GLIS3: variants seen among roughly 807,000 people sequenced by gnomAD.
The protein encoded by GLIS3 is GLIS family zinc finger 3, also known as zinc finger protein GLIS3.
GLIS3 carries 53 observed loss-of-function variants against 78.6 expected under a neutral mutation model. That is an observed-to-expected ratio of 0.67 (90% CI 0.54 to 0.85). The LOEUF is 0.85. GLIS3 is among the 40% of genes least tolerant of loss of function. The pLI is 0.00. For synonymous variants in GLIS3, 684 were observed against 509.9 expected (o/e 1.34, Z -4.60); for missense variants, 1,703 against 1,231.1 (o/e 1.38, Z -5.74).
intron 2 of GLIS3, among the ~76,000 whole-genome samples, chr9:4,277,942 C>A (rs577144693): frequency 6.6e-6 from 1 of 152,204 alleles, no homozygotes; most frequent in Non-Finnish European, 1.5e-5. Context: ...AAGTTGCCAA[C>A]TGCACCCTGT....
chr9:4,366,099 C>G, the GLIS3 span, among the ~76,000 whole-genome samples: 1 of 152,120 alleles, frequency 6.6e-6, no homozygotes, highest in African/African-American at 2.4e-5. Flanking sequence ...ACCCAGAAGA[C>G]AGGGAGAAAT....
At chr9:4,303,802 A>G (rs1817155369), upstream of GLIS3, among the ~76,000 whole-genome samples, 1 of 152,224 alleles carries the variant, frequency 6.6e-6, no homozygotes, top group Non-Finnish European at 1.5e-5. Context: ...TCCTTGACAT[A>G]TTACTTAGGT....
intron 2 of GLIS3, 157 bp downstream of exon 2, chr9:4,285,881 A>C: frequency 1.1e-6 from 1 of 876,320 alleles, no homozygotes; most frequent in South Asian, 1.4e-5. Context: ...ATACACACCC[A>C]TTCCCTTACT....
intron 2 of GLIS3, among the ~76,000 whole-genome samples, chr9:4,135,360 G>A (rs686855): frequency 6.6e-6 from 1 of 152,016 alleles, no homozygotes; most frequent in Non-Finnish European, 1.5e-5. Context: ...ACTCTAACAG[G>A]TGAATGTGTA....
At chr9:3,894,391 T>C (rs975010889) in intron 7 of GLIS3, among the ~76,000 whole-genome samples, 4 of 152,208 alleles carry the variant, frequency 2.6e-5, no homozygotes, top group African/African-American at 9.7e-5. Flanking sequence ...GAAGCACTTT[T>C]ACAGAAAATT....
At chr9:4,098,012 A>C (rs1830094159) in intron 4 of GLIS3, among the ~76,000 whole-genome samples, 1 of 152,226 alleles carries the variant, frequency 6.6e-6, no homozygotes, top group South Asian at 2.1e-4. Context: ...AATAGTTCAT[A>C]ACTTTTTAAA....
At chr9:4,445,583 A>G in the GLIS3 span, among the ~76,000 whole-genome samples, 1 of 152,218 alleles carries the variant, frequency 6.6e-6, no homozygotes, top group East Asian at 1.9e-4. Flanking sequence ...ACAGTGAGCT[A>G]TGATTGCACC....
chr9:4,121,888 T>C (rs749948403), intron 3 of GLIS3, among the ~76,000 whole-genome samples: 1 of 152,220 alleles, frequency 6.6e-6, no homozygotes, highest in East Asian at 1.9e-4. Flanking sequence ...ATGTGAATGG[T>C]TCCAAAGGAT....
the GLIS3 span, among the ~76,000 whole-genome samples, chr9:4,363,016 G>A: frequency 7.2e-5 from 11 of 151,978 alleles, no homozygotes; most frequent in African/African-American, 2.7e-4. Flanking sequence ...GAGGAGAGAA[G>A]TGAACACTGG....
At chr9:4,370,020 C>T in the GLIS3 span, among the ~76,000 whole-genome samples, 2 of 151,872 alleles carry the variant, frequency 1.3e-5, no homozygotes, top group Admixed American at 6.6e-5. Context: ...GGTGAAACTC[C>T]GTCTGTACTA....
At position 4,139,659 on chromosome 9, in the gene GLIS3, G is replaced by C. The variant is rs550585147; in HGVS notation, c.389-13718C>G. ...TTCATGGTTCGTGGTTTCATGGAAA[G>C]CATGGAAGGGGTGGGCACGGTTGGG... On this transcript the variant is annotated intron_variant, in intron 2 of 10. Coordinates refer to ENST00000381971, the MANE Select transcript of GLIS3 (RefSeq NM_001042413.2). Among the ~76,000 whole-genome samples the C allele has an allele frequency of 4.0e-4, 61 of 152,248 alleles. 2 individuals are homozygous for C. The highest frequency in any genetic ancestry group is 3.9e-4 in the Admixed American group (6 of 15,302).
At chr9:4,100,115 C>T (rs930199224) in intron 4 of GLIS3, among the ~76,000 whole-genome samples, 1 of 152,200 alleles carries the variant, frequency 6.6e-6, no homozygotes, top group African/African-American at 2.4e-5. Flanking sequence ...TCATGGTATT[C>T]TCAATCTGAC....
At chr9:3,908,706 G>GTTTTTTTTTTTTTTTTTTTTT (rs34789708) in intron 6 of GLIS3, among the ~76,000 whole-genome samples, 1 of 85,554 alleles carries the variant, frequency 1.2e-5, no homozygotes, top group Non-Finnish European at 2.0e-5. Flanking sequence ...ATTTGTATTT[G>GTTTTTTTTTTTTTTTTTTTTT]TTTTTTTTTT....
chr9:4,049,690 T>G (rs1825555299), intron 4 of GLIS3, among the ~76,000 whole-genome samples: 1 of 152,072 alleles, frequency 6.6e-6, no homozygotes, highest in Non-Finnish European at 1.5e-5. Context: ...ATTTTTGCAA[T>G]CTACCCATCT....
chr9:4,184,119 G>A (rs73396479), intron 2 of GLIS3, among the ~76,000 whole-genome samples: 3,343 of 152,170 alleles, frequency 0.022, 138 homozygotes, highest in African/African-American at 0.077. Flanking sequence ...CCAATTAAAA[G>A]GAAATAATAT....
At chr9:4,092,060 C>A (rs1829556312) in intron 4 of GLIS3, among the ~76,000 whole-genome samples, 2 of 151,978 alleles carry the variant, frequency 1.3e-5, no homozygotes, top group African/African-American at 4.8e-5. Context: ...CAACTGTAGA[C>A]TTTACAAATA....
chr9:4,297,803 G>A (rs1328810805), intron 1 of GLIS3, among the ~76,000 whole-genome samples: 4 of 152,218 alleles, frequency 2.6e-5, no homozygotes, highest in South Asian at 2.1e-4. Context: ...CTGCCAAGAG[G>A]AGGGCTGGAG....
At chr9:4,232,958 A>T (rs941014492) in intron 2 of GLIS3, among the ~76,000 whole-genome samples, 1 of 152,234 alleles carries the variant, frequency 6.6e-6, no homozygotes, top group Non-Finnish European at 1.5e-5. Context: ...TTTGTATTTA[A>T]GCCAGGTTCT....
the GLIS3 span, among the ~76,000 whole-genome samples, chr9:4,434,065 C>T: frequency 1.4e-5 from 2 of 141,576 alleles, no homozygotes; most frequent in Non-Finnish European, 3.0e-5. Flanking sequence ...CACCACACTC[C>T]AGCCTGGTGA....
Sources: gnomAD v4.1 joint callset for allele counts (sites outside exome capture counted in the v4.1 genomes callset) on GRCh38, gnomAD v4.1.1 for gene constraint, MANE v1.5 for transcripts, NCBI Gene and HGNC (gene_info 2026-07-23, HGNC 2026-07-21) for gene names.